GRIN1: variants seen among roughly 807,000 people sequenced by gnomAD.
GRIN1 encodes glutamate ionotropic receptor NMDA type subunit 1.
In GRIN1, 38 loss-of-function variants were observed where a neutral mutation model predicts 103.0. The ratio of observed to expected loss-of-function variants is 0.37; its 90% CI spans 0.28 to 0.48. The LOEUF (loss-of-function observed/expected upper bound fraction) is 0.48. Ranked by LOEUF, GRIN1 falls within the 20% of genes least tolerant of loss-of-function variation. GRIN1 has a pLI of 0.98. For synonymous variants in GRIN1, 544 were observed against 532.7 expected (o/e 1.02, Z -0.29); for missense variants, 577 against 1,288.9 (o/e 0.45, Z 8.46).
intron 6 of GRIN1, 122 bp from the exon 7 acceptor site, chr9:137,158,257 A>AGGAGAAGGAGCAG (rs1382128546): frequency 2.7e-6 from 3 of 1,103,420 alleles, no homozygotes; most frequent in Non-Finnish European, 4.1e-6. Context: ...CTCAGCCGGC[A>AGGAGAAGGAGCAG]GGAGAAGGAG....
At chr9:137,151,682 T>A (rs1452647260) in intron 4 of GRIN1, among the ~76,000 whole-genome samples, 4 of 152,234 alleles carry the variant, frequency 2.6e-5, no homozygotes, top group Admixed American at 6.5e-5. Flanking sequence ...TTTCGTTGTT[T>A]TGAGAGGGAG....
intron 8 of GRIN1, among the ~76,000 whole-genome samples, chr9:137,159,055 G>C (rs1000296544): frequency 6.6e-5 from 10 of 152,252 alleles, no homozygotes; most frequent in African/African-American, 2.4e-4. Flanking sequence ...CCCCAGTCCT[G>C]GTCCTCCACA....
rs778756018 is a variant in GRIN1, at chr9:137,163,256, T to C, written c.2259T>C (p.Phe753=). 6.2e-7 allele frequency: 1 copy of C among 1,613,790 alleles called. No homozygotes were observed. The change falls in exon 16 of 20, where the codon TTT becomes TTC. Residue 753 remains phenylalanine, a synonymous_variant. Transcript: ENST00000371561. ...ACCTGGTGACGACTGGAGAGCTGTT[T>C]TTCCGCTCGGGCTTCGGCATAGGCA... ...KCDLVTTGEL[F]FRSGFGIGMR... is the part of the protein sequence containing the mutation.
At chr9:137,161,857 C>CG in intron 10 of GRIN1, 67 bp from the exon 11 acceptor site, 1 of 1,511,598 alleles carries the variant, frequency 6.6e-7, no homozygotes, top group Non-Finnish European at 8.9e-7. Context: ...CGGCTTCAGT[C>CG]GGGGGTACCT....
In GRIN1 at chr9:137,146,562, C is replaced by T. The variant is rs778310472; in HGVS notation, c.570+660C>T. Among the ~76,000 whole-genome samples the T allele has an allele frequency of 1.3e-5, 2 of 152,192 alleles. No individual in the cohort carries two copies. The highest frequency in any genetic ancestry group is 2.4e-5 in the African/African-American group (1 of 41,446). ...CACACTGACCCCCAACACAGCCAGG[C>T]GTCCACTCTGTGGGGCTGCAGAGAG... On this transcript the variant is annotated intron_variant, in intron 3 of 19. Coordinates refer to ENST00000371561, the MANE Select transcript of GRIN1 (RefSeq NM_007327.4). The surrounding 1 kb of genome is among the most constrained non-coding windows in gnomAD (Gnocchi z 6.7).
Position 137,161,308 on chromosome 9 carries a change from G to T in GRIN1, c.1359G>T (p.Gln453His), listed in dbSNP as rs1374644440. 6.2e-7 allele frequency: 1 copy of T among 1,612,624 alleles called. No homozygotes were observed. ...SPGSPRHTVP[Q>H]CCYGFCIDLL... ...ACCCAGCCCGCCACACGGTGCCTCA[G>T]TGTTGCTACGGCTTTTGCATCGACC... The change falls in exon 10 of 20, where the codon CAG becomes CAT. Residue 453 changes from glutamine to histidine, a missense_variant. Physicochemically the swap from Gln to His is conservative, Grantham distance 24. Transcript: ENST00000371561.
intron 2 of GRIN1, among the ~76,000 whole-genome samples, chr9:137,142,563 T>G (rs959856209): frequency 1.3e-5 from 2 of 152,118 alleles, no homozygotes; most frequent in African/African-American, 4.8e-5. Context: ...CACCCATGGA[T>G]TCGCACAAAG....
At chr9:137,140,124 G>A (rs1458826838) in intron 1 of GRIN1, among the ~76,000 whole-genome samples, 1 of 152,204 alleles carries the variant, frequency 6.6e-6, no homozygotes. Flanking sequence ...ACGGGGCCTG[G>A]GGCCATCTTT....
chr9:137,162,652 C>T lies in GRIN1; in HGVS notation c.1926C>T (p.Ile642=), dbSNP rs1588732370. 1 of 1,612,364 alleles carries T rather than the reference C, an allele frequency of 6.2e-7. No individual in the cohort carries two copies. Among genetic ancestry groups the T allele is most frequent in the Non-Finnish European group, 8.5e-7 (1 of 1,179,646 alleles). The change falls in exon 14 of 20, where the codon ATC becomes ATT. Residue 642 remains isoleucine, a synonymous_variant. Transcript: ENST00000371561. ...TGGTGTGGGCCGGCTTTGCCATGATCATCGTGGCCTCCTACACCGCCAACC... is the reference window on the plus strand; with the variant it reads ...TGGTGTGGGCCGGCTTTGCCATGATTATCGTGGCCTCCTACACCGCCAACC... The part of the protein sequence containing the change: ...LGMVWAGFAM[I]IVASYTANLA...
chr9:137,148,362 G>T, intron 3 of GRIN1: 1 of 618,456 alleles, frequency 1.6e-6, no homozygotes, highest in Non-Finnish European at 2.8e-6. Flanking sequence ...GAGAGGGCAG[G>T]CAGGAGAGGG....
At position 137,167,575 on chromosome 9, in the gene GRIN1, CAG is replaced by C. The variant is rs1833948502; in HGVS notation, c.*50_*51del. 8.0e-6 allele frequency: 12 copies of C among 1,497,712 alleles called. No individual in the cohort carries two copies. The highest frequency in any genetic ancestry group is 1.4e-5 in the African/African-American group (1 of 71,348). 92.8% of individuals were successfully genotyped at this position (1,497,712 alleles called of 1,614,324 possible). On this transcript the variant is annotated 3_prime_UTR_variant, in exon 20 of 20. Transcript: ENST00000371561. ...GCCCCCTCCCCCGCAGACAGACAGA[CAG>C]ACGGACGGGACAGCGGCCCGGCCCA...
chr9:137,163,446 GC>G, intron 16 of GRIN1, 112 bp from the exon 17 acceptor site: 1 of 1,441,438 alleles, frequency 6.9e-7, no homozygotes, highest in Non-Finnish European at 9.7e-7. Context: ...GCCGGGCGCT[GC>G]CCACTCCACG....
rs2131272525 is a variant in GRIN1, at chr9:137,156,889, G to A, written c.820G>A (p.Gly274Ser). 6.2e-7 allele frequency: 1 copy of A among 1,612,144 alleles called. No homozygotes were observed. Among genetic ancestry groups the A allele is most frequent in the African/African-American group, 1.3e-5 (1 of 75,062 alleles). The change falls in exon 6 of 20, where the codon GGC becomes AGC. Residue 274 changes from glycine to serine, a missense_variant. By Grantham distance (56) the Gly-to-Ser change is moderately conservative. Around this residue, in one of 9 missense-constraint regions of GRIN1, gnomAD observed 308 missense variants for 553.6 expected, o/e 0.56. Transcript: ENST00000371561. ...DGILGLQLIN[G>S]KNESAHISDA... ...CATCCTCGGGCTGCAGCTCATCAAC[G>A]GCAAGAACGAGTCGGCCCACATCAG... is the stretch of plus-strand genomic sequence containing the variant.
rs1832536288 is a variant in GRIN1, at chr9:137,146,431, C to T, written c.570+529C>T. On this transcript the variant is annotated intron_variant, in intron 3 of 19. Transcript: ENST00000371561. The surrounding 1 kb of genome is among the most constrained non-coding windows in gnomAD (Gnocchi z 6.7). ...GCAAAGCCCTGTCCACAGACACCTG[C>T]CCCCCAGCCTGGACCGCCCCTGTGG... Among the ~76,000 whole-genome samples, 1 of 152,072 alleles carries T rather than the reference C, an allele frequency of 6.6e-6. No homozygotes were observed. Among genetic ancestry groups the T allele is most frequent in the Non-Finnish European group, 1.5e-5 (1 of 67,984 alleles).
intron 4 of GRIN1, among the ~76,000 whole-genome samples, chr9:137,150,501 C>T (rs1175489533): frequency 6.7e-6 from 1 of 148,206 alleles, no homozygotes; most frequent in Non-Finnish European, 1.5e-5. Flanking sequence ...AGAGAAGTCT[C>T]CGCCCAGATA....
Position 137,163,823 on chromosome 9 carries a change from C to T in GRIN1, c.2508C>T (p.Ala836=), listed in dbSNP as rs1482898564. The stretch of plus-strand genomic sequence containing the variant: ...TCTTCCTGATTTTCATCGAGATTGC[C>T]TACAAGCGGCACAAGGATGCTCGCC... ...AGIFLIFIEI[A]YKRHKDARRK... is the part of the protein sequence containing the mutation. Residue 836 remains alanine, a synonymous_variant, in exon 18 of 20, where the codon GCC becomes GCT. Coordinates refer to ENST00000371561, the MANE Select transcript of GRIN1 (RefSeq NM_007327.4). 11 of 1,613,368 alleles carry T rather than the reference C, an allele frequency of 6.8e-6. No individual in the cohort carries two copies. The highest frequency in any genetic ancestry group is 7.6e-6 in the Non-Finnish European group (9 of 1,180,004).
At chr9:137,153,971 C>A (rs537747037) in intron 4 of GRIN1, among the ~76,000 whole-genome samples, 1 of 152,094 alleles carries the variant, frequency 6.6e-6, no homozygotes, top group East Asian at 1.9e-4. Flanking sequence ...GCCACCATGC[C>A]CGGCTAATTT....
intron 18 of GRIN1, 122 bp downstream of exon 18, chr9:137,164,026 A>G: frequency 1.7e-6 from 2 of 1,211,042 alleles, no homozygotes; most frequent in Non-Finnish European, 2.4e-6. Context: ...GCTAGGAGCC[A>G]TGGCCAGGGG....
At chr9:137,148,022 C>T in intron 3 of GRIN1, 1 of 622,346 alleles carries the variant, frequency 1.6e-6, no homozygotes, top group Non-Finnish European at 2.8e-6. Context: ...TCGGTGTTTG[C>T]GAGCTCCAGG....
Sources: allele counts gnomAD v4.1 joint callset (sites outside exome capture counted in the v4.1 genomes callset), GRCh38; gene constraint gnomAD v4.1.1; regional missense constraint gnomAD v4.1.1; non-coding constraint Gnocchi (gnomAD v3.1); transcripts MANE v1.5; gene names NCBI Gene and HGNC (gene_info 2026-07-23, HGNC 2026-07-21).